Variants in DRC7 observed in about 807,000 individuals in gnomAD.
The protein encoded by DRC7 is dynein regulatory complex subunit 7, also known as coiled-coil domain containing 135.
Under a neutral mutation model 104.4 loss-of-function variants are expected in DRC7, and 80 were observed. The observed-to-expected ratio is 0.77, with a 90% confidence interval of 0.64 to 0.92. DRC7 has a LOEUF of 0.92. DRC7 is among the 40% of genes least tolerant of loss of function. The pLI is 0.00. For missense variants in DRC7, 1,034 were observed against 1,141.1 expected (o/e 0.91, Z 1.35); for synonymous variants, 405 against 447.3 (o/e 0.91, Z 1.19).
In DRC7 at chr16:57,714,550, C is replaced by T. The variant is rs527987342; in HGVS notation, c.1078-3797C>T. On this transcript the variant is annotated intron_variant, in intron 8 of 18. Coordinates refer to ENST00000360716, the MANE Select transcript of DRC7 (RefSeq NM_001289162.2). ...CTGAGGTGGGACGATTGCTTGAGCC[C>T]GGGAGGTCAAGGGTGCAGTAAGCCA... is the stretch of plus-strand genomic sequence containing the variant. Among the ~76,000 whole-genome samples the T allele has an allele frequency of 2.1e-4, 32 of 152,074 alleles. No individual in the cohort carries two copies. The East Asian group carries it at 3.9e-3, about 18-fold the overall frequency.
At chr16:57,715,174 AG>A (rs2048829254) in intron 8 of DRC7, among the ~76,000 whole-genome samples, 1 of 152,132 alleles carries the variant, frequency 6.6e-6, no homozygotes, top group African/African-American at 2.4e-5. Flanking sequence ...CAGCCTCCTG[AG>A]TAGCTGGGAT....
intron 6 of DRC7, among the ~76,000 whole-genome samples, chr16:57,703,388 A>G (rs1012210802): frequency 6.6e-6 from 1 of 152,188 alleles, no homozygotes; most frequent in African/African-American, 2.4e-5. Context: ...TACAGACAGA[A>G]AATGCTCTTC....
chr16:57,702,907 T>C (rs2048674865), intron 6 of DRC7, among the ~76,000 whole-genome samples: 1 of 151,576 alleles, frequency 6.6e-6, no homozygotes, highest in Non-Finnish European at 1.5e-5. Flanking sequence ...TGAGACAGGG[T>C]CTCTTCCACT....
intron 16 of DRC7, 43 bp downstream of exon 16, chr16:57,727,452 C>T (rs1395006046): frequency 2.1e-6 from 3 of 1,458,590 alleles, no homozygotes; most frequent in East Asian, 2.3e-5. Context: ...TTTCCTAGAC[C>T]CCCCTGGTCT....
Position 57,698,093 on chromosome 16 carries a change from G to A in DRC7, c.144G>A (p.Thr48=), listed in dbSNP as rs780327540. 9.9e-6 allele frequency: 16 copies of A among 1,614,128 alleles called. No homozygotes were observed. Among genetic ancestry groups the A allele is most frequent in the Middle Eastern group, 1.7e-4 (1 of 6,056 alleles). Residue 48 remains threonine (T), a synonymous_variant, in exon 3 of 19, where the codon ACG becomes ACA. Coordinates refer to ENST00000360716, the MANE Select transcript of DRC7 (RefSeq NM_001289162.2). ...RKEEITLKQE[T]LRDLEKKLSE... ...AGGAAATCACCTTAAAGCAGGAGAC[G>A]CTCAGAGACCTGGAGAAGAAGCTGT...
intron 7 of DRC7, among the ~76,000 whole-genome samples, chr16:57,706,193 T>TATCCTCCCATCCATCC (rs2048722494): frequency 1.4e-5 from 1 of 73,950 alleles, no homozygotes; most frequent in African/African-American, 5.4e-5. Flanking sequence ...CTCATCCATC[T>TATCCTCCCATCCATCC]ATCCTCCCAT....
At chr16:57,724,122 C>A (rs943349873) in intron 12 of DRC7, among the ~76,000 whole-genome samples, 1 of 151,982 alleles carries the variant, frequency 6.6e-6, no homozygotes. Flanking sequence ...CCAGCCTGGC[C>A]AACATGGTGA....
intron 8 of DRC7, among the ~76,000 whole-genome samples, chr16:57,710,993 A>C (rs970940919): frequency 6.6e-6 from 1 of 152,234 alleles, no homozygotes; most frequent in Non-Finnish European, 1.5e-5. Context: ...TGCTGGCCTC[A>C]TGGAATGAGT....
At chr16:57,703,755 G>A (rs781413055) in intron 6 of DRC7, among the ~76,000 whole-genome samples, 5 of 152,054 alleles carry the variant, frequency 3.3e-5, no homozygotes, top group Admixed American at 6.6e-5. Context: ...CCACTTGAGC[G>A]CAGGAGTTCC....
chr16:57,698,784 T>C (rs749572939), intron 3 of DRC7, 66 bp from the exon 4 acceptor site: 1 of 1,525,534 alleles, frequency 6.6e-7, no homozygotes, highest in Non-Finnish European at 9.0e-7. Flanking sequence ...CAATGGCAAC[T>C]CAGTGGAACC....
chr16:57,726,120 T>C lies in DRC7; in HGVS notation c.1811T>C (p.Val604Ala). Residue 604 changes from valine (V) to alanine (A), a missense_variant, in exon 14 of 19, where the codon GTG becomes GCG. Transcript: ENST00000360716. ...RNPAKPAEED[V>A]AERVFLVAEE... ...CCAGCGAAGCCCGCGGAGGAGGACGTGGCAGAGCGCGTGTTTCTGGTCGCG... is the reference window on the plus strand; with the variant it reads ...CCAGCGAAGCCCGCGGAGGAGGACGCGGCAGAGCGCGTGTTTCTGGTCGCG... The C allele has an allele frequency of 1.2e-6, 2 of 1,613,292 alleles. No individual in the cohort carries two copies. Among genetic ancestry groups the C allele is most frequent in the East Asian group, 2.2e-5 (1 of 44,886 alleles).
At chr16:57,711,703 A>C (rs1018542270) in intron 8 of DRC7, among the ~76,000 whole-genome samples, 2 of 152,210 alleles carry the variant, frequency 1.3e-5, no homozygotes, top group Non-Finnish European at 2.9e-5. Flanking sequence ...TTATTACTCA[A>C]ATCAGTCTCC....
intron 10 of DRC7, 47 bp downstream of exon 10, chr16:57,721,786 T>TG (rs1252660943): frequency 6.7e-7 from 1 of 1,493,448 alleles, no homozygotes; most frequent in Non-Finnish European, 9.3e-7. Context: ...ATCCAGTTCC[T>TG]GGGCCTCCAG....
At chr16:57,724,548 C>A in intron 12 of DRC7, 67 bp from the exon 13 acceptor site, 1 of 1,250,520 alleles carries the variant, frequency 8.0e-7, no homozygotes, top group Non-Finnish European at 1.1e-6. Flanking sequence ...GTTGGGCGAC[C>A]AAGCCAGCAG....
At chr16:57,712,939 T>A (rs1292671583) in intron 8 of DRC7, among the ~76,000 whole-genome samples, 8 of 152,214 alleles carry the variant, frequency 5.3e-5, no homozygotes, top group African/African-American at 1.7e-4. Flanking sequence ...TTCAATATGC[T>A]CTCCAATTTC....
chr16:57,728,499 C>A lies in DRC7; in HGVS notation c.2306C>A (p.Ala769Glu). The change falls in exon 17 of 19, where the codon GCG (alanine) becomes GAG (glutamate). Residue 769 changes from alanine to glutamate, a missense_variant. Physicochemically the swap from Ala to Glu is moderately radical, Grantham distance 107 (BLOSUM62 -1). Transcript: ENST00000360716. ...GGAGAGAAACTAACATGCTGGCAGG[C>A]GGTGCGCCTCAAGGATGAGTGCCTC... Reference protein sequence around the residue: ...PPGEKLTCWQAVRLKDECLSD... With the variant: ...PPGEKLTCWQEVRLKDECLSD... The A allele has an allele frequency of 6.2e-7, 1 of 1,612,100 alleles. No homozygotes were observed. Among genetic ancestry groups the A allele is most frequent in the Non-Finnish European group, 8.5e-7 (1 of 1,179,666 alleles).
chr16:57,705,110 T>TC, intron 7 of DRC7, 76 bp downstream of exon 7: 1 of 1,494,424 alleles, frequency 6.7e-7, no homozygotes, highest in South Asian at 1.3e-5. Context: ...GAGGCATAGG[T>TC]CATGGAGGGG....
At chr16:57,716,501 T>C (rs1427773119) in intron 8 of DRC7, among the ~76,000 whole-genome samples, 5 of 119,454 alleles carry the variant, frequency 4.2e-5, no homozygotes, top group Non-Finnish European at 6.5e-5. Flanking sequence ...AGACTCCATC[T>C]GAAAAAAAAA....
intron 14 of DRC7, 29 bp downstream of exon 14, chr16:57,726,312 G>T: frequency 6.3e-7 from 1 of 1,589,502 alleles, no homozygotes; most frequent in Middle Eastern, 1.7e-4. Context: ...GCGGGCAGGG[G>T]TCGGCTGCAG....
Sources: allele counts gnomAD v4.1 joint callset (sites outside exome capture counted in the v4.1 genomes callset), GRCh38; gene constraint gnomAD v4.1.1; transcripts MANE v1.5; gene names NCBI Gene and HGNC (gene_info 2026-07-23, HGNC 2026-07-21).